The following RBFOX1 variants were observed in gnomAD, a reference collection of about 807,000 sequenced individuals.
The protein encoded by RBFOX1 is RNA binding protein fox-1 homolog 1.
RBFOX1 carries 8 observed loss-of-function variants against 57.7 expected under a neutral mutation model. The observed-to-expected ratio is 0.14, with a 90% CI of 0.08 to 0.25. The LOEUF (loss-of-function observed/expected upper bound fraction) is 0.25, where lower values mean the gene tolerates loss of function less well. Among genes scored for constraint, RBFOX1 ranks in the 10% least tolerant of loss-of-function variants. The pLI is 1.00. For missense variants in RBFOX1, 611 were observed against 548.5 expected, an observed-to-expected ratio of 1.11 and a Z score of -1.14; for synonymous variants, 326 against 222.4, an observed-to-expected ratio of 1.47 and a Z score of -4.15.
chr16:6,859,792 A>G (rs142750155), intron 3 of RBFOX1, among the ~76,000 whole-genome samples: 39 of 151,802 alleles, frequency 2.6e-4, no homozygotes, highest in African/African-American at 8.7e-4. Flanking sequence ...TCCAAAAGGC[A>G]TTGATACAAG....
chr16:7,072,190 C>G (rs896160031), intron 4 of RBFOX1, among the ~76,000 whole-genome samples: 6 of 152,136 alleles, frequency 3.9e-5, no homozygotes, highest in Non-Finnish European at 5.9e-5. Flanking sequence ...CTTCTTTCCC[C>G]AGAAAGTCCT....
At chr16:6,671,510 A>G (rs1258633429) in intron 3 of RBFOX1, among the ~76,000 whole-genome samples, 1 of 152,208 alleles carries the variant, frequency 6.6e-6, no homozygotes, top group African/African-American at 2.4e-5. Flanking sequence ...GTTGGGATGC[A>G]TCTAGGAAGG....
At chr16:7,304,468 T>C (rs1183493080) in intron 4 of RBFOX1, 1 of 984,962 alleles carries the variant, frequency 1.0e-6, no homozygotes, top group Non-Finnish European at 1.2e-6. Flanking sequence ...TGCCTTGACT[T>C]TTATGTACTT....
At chr16:6,669,317 G>C (rs148845720) in intron 3 of RBFOX1, among the ~76,000 whole-genome samples, 1 of 152,074 alleles carries the variant, frequency 6.6e-6, no homozygotes, top group Admixed American at 6.6e-5. Flanking sequence ...TTCTTATATT[G>C]TGCTTCTTTT....
chr16:5,799,325 G>A (rs1364002555), intron 3 of RBFOX1, among the ~76,000 whole-genome samples: 2 of 152,138 alleles, frequency 1.3e-5, no homozygotes, highest in Admixed American at 6.5e-5. Context: ...AGTAAGATGA[G>A]ATTTGGGTGG....
intron 3 of RBFOX1, among the ~76,000 whole-genome samples, chr16:5,622,915 C>G (rs1032536895): frequency 2.6e-5 from 4 of 152,330 alleles, no homozygotes; most frequent in South Asian, 4.1e-4. Context: ...AGTATAACAA[C>G]TCTTTACATG....
At chr16:6,741,319 G>A (rs1163487677) in intron 3 of RBFOX1, among the ~76,000 whole-genome samples, 5 of 152,072 alleles carry the variant, frequency 3.3e-5, no homozygotes, top group South Asian at 2.1e-4. Context: ...CTTAGAGCTC[G>A]GTGACATGCC....
At chr16:5,285,809 G>C (rs9931430) in intron 1 of RBFOX1, among the ~76,000 whole-genome samples, 66,632 of 151,824 alleles carry the variant, frequency 0.44, 15,013 homozygotes, top group Non-Finnish European at 0.5. Flanking sequence ...GTCTTGCTCT[G>C]TCACCAGGCT....
At chr16:5,533,613 A>G (rs1191336489) in intron 2 of RBFOX1, among the ~76,000 whole-genome samples, 2 of 152,148 alleles carry the variant, frequency 1.3e-5, no homozygotes, top group Admixed American at 1.3e-4. Flanking sequence ...CTCAGCATGG[A>G]TGAGATATTA....
At chr16:6,096,474 G>A (rs1215790631) in intron 1 of RBFOX1, among the ~76,000 whole-genome samples, 3 of 152,118 alleles carry the variant, frequency 2.0e-5, no homozygotes, top group African/African-American at 4.8e-5. Flanking sequence ...CATATCCCCT[G>A]TAGAACTTTG....
intron 4 of RBFOX1, among the ~76,000 whole-genome samples, chr16:7,207,761 C>A (rs11859868): frequency 0.11 from 17,501 of 152,204 alleles, 1,180 homozygotes; most frequent in African/African-American, 0.17. Context: ...GTTAATTTGC[C>A]TGTTGCACCC....
intron 4 of RBFOX1, among the ~76,000 whole-genome samples, chr16:7,464,052 C>T (rs549115957): frequency 4.8e-4 from 73 of 152,344 alleles, no homozygotes; most frequent in Middle Eastern, 3.4e-3. Flanking sequence ...AATCTTTTTG[C>T]ATAACCCATG....
At chr16:5,632,339 T>A (rs561093747) in intron 3 of RBFOX1, 4 of 152,390 alleles carry the variant, frequency 2.6e-5, no homozygotes, top group East Asian at 1.9e-4. Flanking sequence ...CAAGCCCTTT[T>A]ACCTCTTGTA....
intron 4 of RBFOX1, among the ~76,000 whole-genome samples, chr16:7,243,679 C>G (rs1448913204): frequency 6.6e-6 from 1 of 152,064 alleles, no homozygotes; most frequent in Non-Finnish European, 1.5e-5. Flanking sequence ...TCCCAAGTAG[C>G]TGGGTTACAG....
chr16:7,011,750 G>A (rs977469970), intron 3 of RBFOX1, among the ~76,000 whole-genome samples: 1 of 152,066 alleles, frequency 6.6e-6, no homozygotes, highest in African/African-American at 2.4e-5. Context: ...TCCTGACCTC[G>A]TGATCCGCCT....
chr16:6,398,253 T>C (rs1485506773), intron 2 of RBFOX1, among the ~76,000 whole-genome samples: 2 of 152,186 alleles, frequency 1.3e-5, no homozygotes, highest in Non-Finnish European at 2.9e-5. Context: ...ATGCGGATTA[T>C]GGGAACTACA....
intron 4 of RBFOX1, among the ~76,000 whole-genome samples, chr16:7,335,763 G>T (rs758607728): frequency 4.6e-5 from 7 of 152,122 alleles, no homozygotes; most frequent in African/African-American, 1.7e-4. Flanking sequence ...GTTATCATCT[G>T]CCCTACCCTT....
intron 3 of RBFOX1, among the ~76,000 whole-genome samples, chr16:5,668,173 C>T (rs1022669900): frequency 1.3e-5 from 2 of 152,086 alleles, no homozygotes; most frequent in African/African-American, 2.4e-5. Flanking sequence ...CCTAGCTACT[C>T]AGGAGGCTGA....
intron 3 of RBFOX1, among the ~76,000 whole-genome samples, chr16:7,034,670 G>A (rs1294515071): frequency 6.6e-6 from 1 of 151,612 alleles, no homozygotes; most frequent in African/African-American, 2.4e-5. Context: ...CCTCTTTATT[G>A]GGGAGCAGAA....
Sources: allele counts gnomAD v4.1 joint callset (sites outside exome capture counted in the v4.1 genomes callset), GRCh38; gene constraint gnomAD v4.1.1; transcripts MANE v1.5; gene names NCBI Gene and HGNC (gene_info 2026-07-23, HGNC 2026-07-21).